Variants in STAT3 observed in about 807,000 individuals in gnomAD.
STAT3 encodes signal transducer and activator of transcription 3, also known as DNA-binding protein APRF.
In STAT3, 7 loss-of-function variants were observed where a neutral mutation model predicts 114.3. That is an observed-to-expected ratio of 0.06 (90% CI 0.03 to 0.11). STAT3 has a LOEUF of 0.11. Among genes scored for constraint, STAT3 ranks in the 10% least tolerant of loss-of-function variants. The pLI is 1.00. For missense variants in STAT3, 364 were observed against 960.9 expected, an observed-to-expected ratio of 0.38 and a Z score of 8.21; for synonymous variants, 331 against 354.5, an observed-to-expected ratio of 0.93 and a Z score of 0.74.
intron 1 of STAT3, among the ~76,000 whole-genome samples, chr17:42,354,839 A>G (rs995828818): frequency 4.7e-5 from 7 of 150,274 alleles, no homozygotes; most frequent in Non-Finnish European, 7.4e-5. Flanking sequence ...CAGGGCACCA[A>G]CAATGACTGA....
rs73983711 is a variant in STAT3, at chr17:42,333,809, G to A, written c.957-44C>T. ...GGCTCACGCGCCACGGCCATGACCA[G>A]AAGTCAGCCCGCCTCTCACTCTACC... On this transcript the variant is annotated intron_variant, in intron 9 of 23. Transcript: ENST00000264657. This position sits in a 1 kb window ranked among gnomAD's most constrained non-coding sequence, Gnocchi z 5.2. 2.8e-4 allele frequency: 444 copies of A among 1,614,154 alleles called. 4 individuals carry two copies. In the African/African-American group the frequency reaches 5.4e-3, roughly 20 times the overall value.
In STAT3 at chr17:42,388,335, G is replaced by A; in HGVS notation, c.-80C>T. 1 of 1,232,070 alleles carries A rather than the reference G, an allele frequency of 8.1e-7. No homozygotes were observed. Among genetic ancestry groups the A allele is most frequent in the African/African-American group, 1.5e-5 (1 of 64,550 alleles). The allele number at this position is 1,232,070 out of a possible 1,614,324, so 76.3% of individuals were successfully genotyped here. A position where few individuals can be genotyped will look rare whatever the true frequency, so the allele number is the denominator to read the frequency against. On this transcript the variant is annotated 5_prime_UTR_variant, in exon 1 of 24. Transcript: ENST00000264657. ...GCTGCGCGTGTGCCGGGGACGGGCG[G>A]CGAGGCTCCCTCAGGCCGAAGGGCC...
intron 6 of STAT3, 82 bp downstream of exon 6, chr17:42,338,649 C>G: frequency 7.2e-7 from 1 of 1,387,994 alleles, no homozygotes; most frequent in Non-Finnish European, 1.0e-6. Context: ...AAGATCTAAA[C>G]AGAGTTAAGA....
intron 1 of STAT3, among the ~76,000 whole-genome samples, chr17:42,356,542 T>A (rs58523053): frequency 0.086 from 12,814 of 149,696 alleles, 929 homozygotes; most frequent in East Asian, 0.22. Context: ...TATATATATT[T>A]TTTTTTTTTT....
In STAT3 at chr17:42,333,170, T is replaced by C. The variant is rs2082093711; in HGVS notation, c.1049+503A>G. On this transcript the variant is annotated intron_variant, in intron 10 of 23. Coordinates refer to ENST00000264657, the MANE Select transcript of STAT3 (RefSeq NM_139276.3). This position sits in a 1 kb window ranked among gnomAD's most constrained non-coding sequence, Gnocchi z 5.2. ...AGCTGGCATTTTGTTCTATTAATCC[T>C]GAAACCGAACACCATACTAAGTTTC... Among the ~76,000 whole-genome samples, 1 of 152,190 alleles carries C rather than the reference T, an allele frequency of 6.6e-6. No individual in the cohort carries two copies. Among genetic ancestry groups the C allele is most frequent in the African/African-American group, 2.4e-5 (1 of 41,458 alleles).
chr17:42,375,390 T>A (rs908928106), intron 1 of STAT3, among the ~76,000 whole-genome samples: 5 of 152,174 alleles, frequency 3.3e-5, no homozygotes, highest in African/African-American at 1.2e-4. Flanking sequence ...ATAAACTACA[T>A]CAGACCCTCT....
intron 1 of STAT3, among the ~76,000 whole-genome samples, chr17:42,385,623 C>T (rs1282600905): frequency 1.3e-5 from 2 of 152,098 alleles, no homozygotes; most frequent in Non-Finnish European, 2.9e-5. Flanking sequence ...CTCTACCCCA[C>T]CTCATATCTG....
intron 4 of STAT3, among the ~76,000 whole-genome samples, chr17:42,340,747 A>T (rs1434506815): frequency 2.0e-5 from 3 of 152,162 alleles, no homozygotes; most frequent in African/African-American, 7.2e-5. Context: ...TCCCACAGTG[A>T]CAGTGACTCA....
In STAT3 at chr17:42,323,128, A is replaced by G. The variant is rs1567708218; in HGVS notation, c.1764T>C (p.Phe588=). ...TGGCCCGCTCCCGCTCCTTACTGAT[A>G]AAGCCCATGATGTACCTGGAGCCAA... is the stretch of plus-strand genomic sequence containing the variant. ...ALWNEGYIMG[F]ISKERERAIL... Residue 588 remains phenylalanine (F), a synonymous_variant, in exon 20 of 24, where the codon TTT becomes TTC. Transcript: ENST00000264657. 2 of 1,614,212 alleles carry G rather than the reference A, an allele frequency of 1.2e-6. No homozygotes were observed.
intron 1 of STAT3, among the ~76,000 whole-genome samples, chr17:42,369,208 A>C (rs1373235817): frequency 2.6e-5 from 4 of 152,122 alleles, no homozygotes; most frequent in African/African-American, 9.7e-5. Flanking sequence ...AAATACAAAA[A>C]TTAGCCAGGC....
rs1338451915 is a variant in STAT3 at position 42,337,141 on chromosome 17, G to A, written c.797+294C>T. ...ACTACAGGTGCGCACCACCACGCCCGGCTAATTTTTTTATGTTTTTAGTAG... is the reference window on the plus strand; with the variant it reads ...ACTACAGGTGCGCACCACCACGCCCAGCTAATTTTTTTATGTTTTTAGTAG... On this transcript the variant is annotated intron_variant, in intron 8 of 23. Transcript: ENST00000264657. This position sits in a 1 kb window ranked among gnomAD's most constrained non-coding sequence, Gnocchi z 4.0. Among the ~76,000 whole-genome samples the A allele has an allele frequency of 1.3e-5, 2 of 151,866 alleles. No homozygotes were observed. Among genetic ancestry groups the A allele is most frequent in the African/African-American group, 4.8e-5 (2 of 41,332 alleles).
chr17:42,354,232 C>T (rs1168155401), intron 1 of STAT3, among the ~76,000 whole-genome samples: 1 of 130,758 alleles, frequency 7.6e-6, no homozygotes, highest in African/African-American at 3.0e-5. Context: ...TGCAGTGGGG[C>T]GATCTTGGCT....
intron 1 of STAT3, among the ~76,000 whole-genome samples, chr17:42,385,024 C>T (rs2085019297): frequency 6.6e-6 from 1 of 152,174 alleles, no homozygotes; most frequent in African/African-American, 2.4e-5. Flanking sequence ...AAAAGTTCTA[C>T]ATCTGTACTG....
chr17:42,321,261 A>G (rs2081470308), intron 21 of STAT3, among the ~76,000 whole-genome samples: 1 of 151,406 alleles, frequency 6.6e-6, no homozygotes, highest in Admixed American at 6.6e-5. Context: ...CTAGGACTAC[A>G]GGCACAAACC....
chr17:42,349,864 C>A (rs1363250370), intron 1 of STAT3, among the ~76,000 whole-genome samples: 1 of 152,172 alleles, frequency 6.6e-6, no homozygotes, highest in African/African-American at 2.4e-5. Context: ...TGAGACCAGC[C>A]TGACCAACTT....
chr17:42,361,284 C>A (rs1021255201), intron 1 of STAT3, among the ~76,000 whole-genome samples: 8 of 152,054 alleles, frequency 5.3e-5, no homozygotes, highest in Non-Finnish European at 7.4e-5. Flanking sequence ...AGTTCAAAAC[C>A]AGCCTGACCA....
intron 2 of STAT3, among the ~76,000 whole-genome samples, chr17:42,346,966 A>C (rs1234184400): frequency 6.6e-6 from 1 of 152,124 alleles, no homozygotes; most frequent in African/African-American, 2.4e-5. Flanking sequence ...AGGCAGGCGG[A>C]TCACCTGAGG....
At chr17:42,326,305 C>G (rs147116073) in intron 14 of STAT3, 106 bp from the exon 15 acceptor site, 1 of 956,886 alleles carries the variant, frequency 1.0e-6, no homozygotes, top group African/African-American at 1.6e-5. Context: ...CCCAGGAGTT[C>G]GAGACCAGTC....
chr17:42,383,432 G>A (rs558614098), intron 1 of STAT3, among the ~76,000 whole-genome samples: 25 of 151,720 alleles, frequency 1.6e-4, no homozygotes, highest in East Asian at 1.6e-3. Flanking sequence ...TGAACTCCTG[G>A]GCTCAAGCAA....
Sources: allele counts gnomAD v4.1 joint callset (sites outside exome capture counted in the v4.1 genomes callset), GRCh38; gene constraint gnomAD v4.1.1; non-coding constraint Gnocchi (gnomAD v3.1); transcripts MANE v1.5; gene names NCBI Gene and HGNC (gene_info 2026-07-23, HGNC 2026-07-21).